ASS1: variants seen among roughly 807,000 people sequenced by gnomAD.
The protein encoded by ASS1 is argininosuccinate synthase.
ASS1 carries 58 observed loss-of-function variants against 60.5 expected under a neutral mutation model. The observed-to-expected ratio is 0.96, with a 90% confidence interval of 0.78 to 1.19. The LOEUF is 1.19. ASS1 is among the 50% of genes most tolerant of loss of function. The probability of loss-of-function intolerance (pLI) is 0.00; values close to 1 mark genes in which losing one functional copy is unlikely to be tolerated. For synonymous variants in ASS1, 200 were observed against 206.9 expected, an observed-to-expected ratio of 0.97 and a Z score of 0.29; for missense variants, 454 against 547.3, an observed-to-expected ratio of 0.83 and a Z score of 1.70.
intron 8 of ASS1, among the ~76,000 whole-genome samples, chr9:130,475,819 C>T (rs1846001512): frequency 6.9e-6 from 1 of 145,956 alleles, no homozygotes; most frequent in African/African-American, 2.6e-5. Context: ...TGCAGTGGTG[C>T]AATCTCGGCT....
chr9:130,448,468 T>G (rs1470177731), intron 1 of ASS1, among the ~76,000 whole-genome samples: 1 of 149,626 alleles, frequency 6.7e-6, no homozygotes, highest in Non-Finnish European at 1.5e-5. Flanking sequence ...ACACGCCAGG[T>G]CCATGCATTG....
chr9:130,462,471 A>G (rs573757618), intron 4 of ASS1, among the ~76,000 whole-genome samples: 161 of 152,286 alleles, frequency 1.1e-3, no homozygotes, highest in Non-Finnish European at 1.7e-3. Flanking sequence ...AGACGAGGGC[A>G]GAGTTTGAAC....
At position 130,494,821 on chromosome 9, in the gene ASS1, C is replaced by T. The variant is rs766832819; in HGVS notation, c.971-46C>T. On this transcript the variant is annotated intron_variant, in intron 12 of 14. Transcript: ENST00000352480. This position sits in a 1 kb window ranked among gnomAD's most constrained non-coding sequence, Gnocchi z 4.3. ...TGCCCCAGGTCTCCCTGTGTCCTCG[C>T]GGTGCAGGAGGCCTCCCTAGTGGTA... 2.4e-5 allele frequency: 39 copies of T among 1,609,684 alleles called. No individual in the cohort carries two copies. The highest frequency in any genetic ancestry group is 1.3e-4 in the African/African-American group (10 of 74,832).
intron 8 of ASS1, among the ~76,000 whole-genome samples, chr9:130,474,020 A>T (rs1203777159): frequency 3.2e-4 from 5 of 15,728 alleles, no homozygotes; most frequent in African/African-American, 6.3e-4. Context: ...CCCCACCCCG[A>T]CTCTCTCTCT....
chr9:130,450,687 G>A (rs780643167), intron 1 of ASS1, among the ~76,000 whole-genome samples: 8 of 152,230 alleles, frequency 5.3e-5, no homozygotes, highest in African/African-American at 9.6e-5. Flanking sequence ...CTGGCTACAC[G>A]GCCAGGCTCT....
At chr9:130,454,844 CCATCCATT>C (rs879434148) in intron 3 of ASS1, among the ~76,000 whole-genome samples, 6 of 151,074 alleles carry the variant, frequency 4.0e-5, no homozygotes, top group East Asian at 2.0e-4. Flanking sequence ...ATCCATCCAT[CCATCCATT>C]CATCCATTCA....
chr9:130,483,049 G>T (rs1019010628), intron 11 of ASS1, among the ~76,000 whole-genome samples: 89 of 152,154 alleles, frequency 5.8e-4, no homozygotes, highest in African/African-American at 1.9e-3. Context: ...CTTTGGGTTG[G>T]GGAGAGAAGA....
Position 130,445,005 on chromosome 9 carries a change from C to T in ASS1, c.-6+10C>T, listed in dbSNP as rs1269303192. 3.8e-6 allele frequency: 1 copy of T among 265,106 alleles called. No homozygotes were observed. The highest frequency in any genetic ancestry group is 5.8e-6 in the Non-Finnish European group (1 of 171,540). The allele number at this position is 265,106 out of a possible 1,614,324, so 16.4% of individuals were successfully genotyped here. Reference sequence around the variant, plus strand: ...CCGCTGCCCGAGCCCGGTAAGGAGCCCTCGGCCCCTCTCGCTGCCCACTCC... The same window carrying T: ...CCGCTGCCCGAGCCCGGTAAGGAGCTCTCGGCCCCTCTCGCTGCCCACTCC... On this transcript the variant is annotated intron_variant, in intron 1 of 14. Coordinates refer to ENST00000352480, the MANE Select transcript of ASS1 (RefSeq NM_054012.4).
At chr9:130,484,817 AC>A (rs1846266304) in intron 11 of ASS1, among the ~76,000 whole-genome samples, 6 of 151,978 alleles carry the variant, frequency 3.9e-5, no homozygotes, top group Non-Finnish European at 8.8e-5. Flanking sequence ...ACACACACAC[AC>A]ACACACACAC....
In ASS1 at chr9:130,494,543, T is replaced by C. The variant is rs1183344011; in HGVS notation, c.971-324T>C. ...CAGGGATGGGGTCCCTTTACCACTG[T>C]GTCCCCAGTTGCTGGCCTGTGGCAC... On this transcript the variant is annotated intron_variant, in intron 12 of 14. Coordinates refer to ENST00000352480, the MANE Select transcript of ASS1 (RefSeq NM_054012.4). This position sits in a 1 kb window ranked among gnomAD's most constrained non-coding sequence, Gnocchi z 4.3. 1.3e-5 allele frequency among the ~76,000 whole-genome samples: 2 copies of C among 152,250 alleles called. No homozygotes were observed. The highest frequency in any genetic ancestry group is 2.9e-5 in the Non-Finnish European group (2 of 68,036).
At chr9:130,496,001 G>A (rs933905307) in intron 13 of ASS1, among the ~76,000 whole-genome samples, 6 of 152,128 alleles carry the variant, frequency 3.9e-5, no homozygotes, top group Admixed American at 6.5e-5. Flanking sequence ...CTGGAAGGCC[G>A]CCGGACACTT....
intron 6 of ASS1, among the ~76,000 whole-genome samples, chr9:130,468,094 A>G: frequency 6.6e-6 from 1 of 152,150 alleles, no homozygotes; most frequent in East Asian, 1.9e-4. Flanking sequence ...TTTCATCAGA[A>G]ATGACTGTGG....
chr9:130,444,794 G>C (rs1216265742), upstream of ASS1: 1 of 152,082 alleles, frequency 6.6e-6, no homozygotes, highest in Admixed American at 6.5e-5. The surrounding 1 kb of genome is among the most constrained non-coding windows in gnomAD (Gnocchi z 4.7). Flanking sequence ...GAGGCCTGGG[G>C]AGGCGGGCCC....
At chr9:130,465,999 T>C (rs1845730602) in intron 5 of ASS1, among the ~76,000 whole-genome samples, 1 of 152,178 alleles carries the variant, frequency 6.6e-6, no homozygotes, top group African/African-American at 2.4e-5. Context: ...GGAGTAGGGC[T>C]GTGGTCTTCC....
rs189281952 is a variant in ASS1, at chr9:130,494,161, G to A, written c.971-706G>A. ...AGCTAGCCCAGATCAAAGCCTGAGCGCAGTGCTGCTTATCTATGCAGAAAT... is the reference window on the plus strand; with the variant it reads ...AGCTAGCCCAGATCAAAGCCTGAGCACAGTGCTGCTTATCTATGCAGAAAT... On this transcript the variant is annotated intron_variant, in intron 12 of 14. Transcript: ENST00000352480. The surrounding 1 kb of genome is among the most constrained non-coding windows in gnomAD (Gnocchi z 4.3). Among the ~76,000 whole-genome samples the A allele has an allele frequency of 1.3e-5, 2 of 152,308 alleles. No homozygotes were observed. Among genetic ancestry groups the A allele is most frequent in the Admixed American group, 6.5e-5 (1 of 15,302 alleles).
chr9:130,454,969 C>G (rs1845411701), intron 3 of ASS1, among the ~76,000 whole-genome samples: 1 of 148,650 alleles, frequency 6.7e-6, no homozygotes, highest in Non-Finnish European at 1.5e-5. Flanking sequence ...TCCATCTATC[C>G]ATCCATCCTC....
In ASS1 at chr9:130,494,986, G is replaced by A; in HGVS notation, c.1090G>A (p.Glu364Lys). Reference sequence around the variant, plus strand: ...GGGCCAGGTGTACATCCTCGGCCGGGAGTCCCCACTGTCTCTCTACAATGA... The same window carrying A: ...GGGCCAGGTGTACATCCTCGGCCGGAAGTCCCCACTGTCTCTCTACAATGA... ...LKGQVYILGR[E>K]SPLSLYNEEL... is the part of the protein sequence containing the mutation. Residue 364 changes from glutamate (E) to lysine (K), a missense_variant, in exon 13 of 15, where the codon GAG becomes AAG. Physicochemically the swap from Glu to Lys is moderately conservative, Grantham distance 56. Transcript: ENST00000352480. The surrounding 1 kb of genome is among the most constrained non-coding windows in gnomAD (Gnocchi z 4.3). 6.2e-7 allele frequency: 1 copy of A among 1,613,290 alleles called. No individual in the cohort carries two copies. The highest frequency in any genetic ancestry group is 1.3e-5 in the African/African-American group (1 of 75,044).
intron 3 of ASS1, among the ~76,000 whole-genome samples, chr9:130,457,592 C>T (rs569737321): frequency 4.4e-4 from 67 of 152,298 alleles, no homozygotes; most frequent in African/African-American, 1.5e-3. Context: ...GCCTTGTTCC[C>T]GTGTGGCTGG....
chr9:130,451,142 C>T (rs957168636), intron 1 of ASS1, among the ~76,000 whole-genome samples: 16 of 152,138 alleles, frequency 1.1e-4, no homozygotes, highest in African/African-American at 3.1e-4. Flanking sequence ...GGGTGCAGGG[C>T]GAGCCCAAGG....
Sources: gnomAD v4.1 joint callset for allele counts (sites outside exome capture counted in the v4.1 genomes callset) on GRCh38, gnomAD v4.1.1 for gene constraint, Gnocchi (gnomAD v3.1) non-coding constraint, MANE v1.5 for transcripts, NCBI Gene and HGNC (gene_info 2026-07-23, HGNC 2026-07-21) for gene names.